MAPRE2: variants seen among roughly 807,000 people sequenced by gnomAD.
The protein encoded by MAPRE2 is microtubule-associated protein RP/EB family member 2.
Under a neutral mutation model 43.2 loss-of-function variants are expected in MAPRE2, and 13 were observed. The observed-to-expected ratio is 0.30, with a 90% CI of 0.20 to 0.48. The LOEUF is 0.48. Ranked by LOEUF, MAPRE2 falls within the 20% of genes least tolerant of loss-of-function variation. The probability of loss-of-function intolerance (pLI) is 0.99; values close to 1 mark genes in which losing one functional copy is unlikely to be tolerated. For synonymous variants in MAPRE2, 135 were observed against 148.8 expected (o/e 0.91, Z 0.68); for missense variants, 161 against 400.2 (o/e 0.40, Z 5.10).
chr18:35,088,222 T>A (rs1907969682), intron 2 of MAPRE2, among the ~76,000 whole-genome samples: 1 of 152,212 alleles, frequency 6.6e-6, no homozygotes, highest in South Asian at 2.1e-4. Context: ...GAAGGCTACT[T>A]CATGTGGCAT....
intron 2 of MAPRE2, among the ~76,000 whole-genome samples, chr18:35,012,614 C>T (rs2097035476): frequency 6.6e-6 from 1 of 152,096 alleles, no homozygotes; most frequent in East Asian, 1.9e-4. Flanking sequence ...AATCTTGAGG[C>T]CAATGCGTTA....
intron 4 of MAPRE2, among the ~76,000 whole-genome samples, chr18:35,110,783 T>A (rs1005227424): frequency 1.3e-5 from 2 of 152,214 alleles, no homozygotes; most frequent in African/African-American, 2.4e-5. Flanking sequence ...AAAGATGTTA[T>A]TCCACTGCAT....
At chr18:35,048,785 T>C (rs1384221804) in intron 1 of MAPRE2, among the ~76,000 whole-genome samples, 2 of 150,414 alleles carry the variant, frequency 1.3e-5, no homozygotes, top group African/African-American at 4.9e-5. Flanking sequence ...GTGTTAATAC[T>C]ATATATAACA....
intron 1 of MAPRE2, among the ~76,000 whole-genome samples, chr18:35,055,718 C>A (rs1055020880): frequency 6.6e-6 from 1 of 151,972 alleles, no homozygotes; most frequent in Non-Finnish European, 1.5e-5. Context: ...TTTGGGAGGC[C>A]GAGGTGGGCG....
At chr18:35,082,810 T>G (rs1568996968) in intron 2 of MAPRE2, among the ~76,000 whole-genome samples, 1 of 152,142 alleles carries the variant, frequency 6.6e-6, no homozygotes, top group Non-Finnish European at 1.5e-5. Flanking sequence ...TGGGCAGACT[T>G]TGAACTAACT....
At chr18:35,121,011 ATG>A (rs2033110801) in intron 4 of MAPRE2, among the ~76,000 whole-genome samples, 1 of 152,174 alleles carries the variant, frequency 6.6e-6, no homozygotes, top group Non-Finnish European at 1.5e-5. Flanking sequence ...CATGTTTTTA[ATG>A]TCTCTTGTCA....
intron 1 of MAPRE2, among the ~76,000 whole-genome samples, chr18:34,992,064 C>G (rs956768143): frequency 6.6e-6 from 1 of 152,038 alleles, no homozygotes; most frequent in Non-Finnish European, 1.5e-5. Flanking sequence ...AGCTTTGTTA[C>G]CACCCTGTTA....
At chr18:35,110,777 A>T (rs888115846) in intron 4 of MAPRE2, among the ~76,000 whole-genome samples, 11 of 152,038 alleles carry the variant, frequency 7.2e-5, no homozygotes, top group African/African-American at 2.7e-4. Flanking sequence ...CACTTTAAAG[A>T]TGTTATTCCA....
intron 1 of MAPRE2, among the ~76,000 whole-genome samples, chr18:35,055,913 C>T (rs1288286134): frequency 1.3e-5 from 2 of 148,304 alleles, no homozygotes; most frequent in Non-Finnish European, 3.0e-5. Context: ...CGAGATCATG[C>T]AACTGCACTG....
At chr18:35,095,104 A>G (rs1201694049) in intron 2 of MAPRE2, among the ~76,000 whole-genome samples, 2 of 152,200 alleles carry the variant, frequency 1.3e-5, no homozygotes, top group Middle Eastern at 3.2e-3. Context: ...AGACAAAAAT[A>G]AATTCCACAT....
chr18:35,115,395 G>A (rs1355073030), intron 4 of MAPRE2, among the ~76,000 whole-genome samples: 1 of 152,054 alleles, frequency 6.6e-6, no homozygotes, highest in Non-Finnish European at 1.5e-5. Flanking sequence ...ATAGTTTTTG[G>A]GGTACAGATG....
At chr18:34,987,923 A>G (rs895969463) in intron 1 of MAPRE2, among the ~76,000 whole-genome samples, 1 of 152,188 alleles carries the variant, frequency 6.6e-6, no homozygotes, top group Non-Finnish European at 1.5e-5. Flanking sequence ...GATTACAGGC[A>G]TGAGCCACCG....
At chr18:35,007,585 A>G (rs898568833) in intron 2 of MAPRE2, among the ~76,000 whole-genome samples, 1 of 152,266 alleles carries the variant, frequency 6.6e-6, no homozygotes, top group Non-Finnish European at 1.5e-5. Flanking sequence ...TTACAAAAAC[A>G]GGCAATGGAC....
At chr18:35,116,812 C>T (rs7239075) in intron 4 of MAPRE2, among the ~76,000 whole-genome samples, 1,708 of 152,252 alleles carry the variant, frequency 0.011, 37 homozygotes, top group African/African-American at 0.039. Flanking sequence ...GGTCACGGGT[C>T]TTACATACAC....
intron 4 of MAPRE2, among the ~76,000 whole-genome samples, chr18:35,103,018 G>A (rs1159107576): frequency 6.6e-6 from 1 of 150,826 alleles, no homozygotes; most frequent in Non-Finnish European, 1.5e-5. Flanking sequence ...ATGGTTAACA[G>A]GACCACATAG....
chr18:35,000,322 C>T lies in MAPRE2; in HGVS notation c.-69-5170C>T, dbSNP rs1327772838. ...AACCTTGTGTTGACCAGAAGCCTCA[C>T]TGGTTAAACACATAGCAATGAAGAA... On this transcript the variant is annotated intron_variant, in intron 1 of 7. Transcript: ENST00000413393. Among the ~76,000 whole-genome samples the T allele has an allele frequency of 3.3e-5, 5 of 152,214 alleles. No individual in the cohort carries two copies. In the East Asian group the frequency reaches 9.6e-4, roughly 29 times the overall value.
chr18:35,125,826 T>C (rs1332255840), intron 4 of MAPRE2, among the ~76,000 whole-genome samples: 1 of 152,234 alleles, frequency 6.6e-6, no homozygotes, highest in Non-Finnish European at 1.5e-5. Flanking sequence ...CAATGGTTTT[T>C]CTTTTTTCCA....
chr18:34,986,919 C>T (rs1388998499), intron 1 of MAPRE2, among the ~76,000 whole-genome samples: 1 of 152,088 alleles, frequency 6.6e-6, no homozygotes. Context: ...AGCAATCCTA[C>T]TTTTATGATA....
At chr18:35,078,429 A>G (rs1044819329) in intron 2 of MAPRE2, among the ~76,000 whole-genome samples, 1 of 152,066 alleles carries the variant, frequency 6.6e-6, no homozygotes, top group Non-Finnish European at 1.5e-5. Flanking sequence ...CTCAGCTTTT[A>G]TTTCTCTCTC....
Sources: gnomAD v4.1 joint callset for allele counts (sites outside exome capture counted in the v4.1 genomes callset) on GRCh38, gnomAD v4.1.1 for gene constraint, MANE v1.5 for transcripts, NCBI Gene and HGNC (gene_info 2026-07-23, HGNC 2026-07-21) for gene names.